NVL: variants seen among roughly 807,000 people sequenced by gnomAD.
NVL encodes the protein nuclear valosin-containing protein-like.
Under a neutral mutation model 110.2 loss-of-function variants are expected in NVL, and 84 were observed. The observed-to-expected ratio is 0.76, with a 90% CI of 0.64 to 0.91. The LOEUF (loss-of-function observed/expected upper bound fraction) is 0.91, where lower values mean the gene tolerates loss of function less well. NVL is among the 40% of genes least tolerant of loss of function. NVL has a pLI of 0.00. For synonymous variants in NVL, 354 were observed against 361.1 expected (o/e 0.98, Z 0.22); for missense variants, 882 against 1,035.9 (o/e 0.85, Z 2.04).
At chr1:224,329,030 C>A (rs1572093720) in intron 1 of NVL, among the ~76,000 whole-genome samples, 1 of 151,770 alleles carries the variant, frequency 6.6e-6, no homozygotes, top group African/African-American at 2.4e-5. Flanking sequence ...TAGTGGAACC[C>A]CGTCTCTACA....
At position 224,289,752 on chromosome 1, in the gene NVL, A is replaced by G; in HGVS notation, c.1326-19T>C. The G allele has an allele frequency of 6.3e-7, 1 of 1,589,220 alleles. No homozygotes were observed. The highest frequency in any genetic ancestry group is 8.6e-7 in the Non-Finnish European group (1 of 1,165,938). On this transcript the variant is annotated intron_variant, in intron 12 of 22. Transcript: ENST00000281701. ...AAGTATTCTGTAGAAAAGACAGGGG[A>G]AAAAATTTCTGATTCCTGATCTAAT...
chr1:224,322,928 TG>T (rs1350774327), intron 2 of NVL, among the ~76,000 whole-genome samples: 3 of 151,424 alleles, frequency 2.0e-5, no homozygotes, highest in African/African-American at 7.3e-5. Context: ...CACTCCAGCC[TG>T]GGTGACAGAG....
chr1:224,303,480 C>T (rs993517605), intron 9 of NVL, among the ~76,000 whole-genome samples: 5 of 150,744 alleles, frequency 3.3e-5, no homozygotes, highest in Non-Finnish European at 5.9e-5. Flanking sequence ...CTAACTCTTG[C>T]CATATAAACA....
At chr1:224,288,027 G>C in intron 13 of NVL, 34 bp from the exon 14 acceptor site, 1 of 1,489,702 alleles carries the variant, frequency 6.7e-7, no homozygotes, top group Non-Finnish European at 9.3e-7. Context: ...AAAAAATAAA[G>C]AAACACCACA....
chr1:224,244,320 T>C (rs1661554015), intron 19 of NVL, among the ~76,000 whole-genome samples: 1 of 151,118 alleles, frequency 6.6e-6, no homozygotes, highest in African/African-American at 2.4e-5. Context: ...TGAGCTGAGA[T>C]CGCACCATTG....
intron 2 of NVL, among the ~76,000 whole-genome samples, chr1:224,319,599 C>T (rs1670453579): frequency 6.6e-6 from 1 of 152,112 alleles, no homozygotes; most frequent in African/African-American, 2.4e-5. Context: ...ATAATCTCTT[C>T]ACCTTTGTGC....
chr1:224,250,245 T>A lies in NVL; in HGVS notation c.2256A>T (p.Ala752=). The A allele has an allele frequency of 6.2e-7, 1 of 1,610,234 alleles. No individual in the cohort carries two copies. Among genetic ancestry groups the A allele is most frequent in the South Asian group, 1.1e-5 (1 of 90,454 alleles). ...TAGTTTTTAAGATGGCAAGGCGATC[T>A]GCAGGGGGCGGTAAACCCACAAACA... ...KTLFVGLPPP[A]DRLAILKTIT... The change falls in exon 19 of 23, where the codon GCA becomes GCT. Residue 752 remains alanine, a synonymous_variant. Coordinates refer to ENST00000281701, the MANE Select transcript of NVL (RefSeq NM_002533.4).
At chr1:224,307,967 G>T (rs1425456377) in intron 6 of NVL, 24 bp downstream of exon 6, 1 of 1,508,486 alleles carries the variant, frequency 6.6e-7, no homozygotes, top group Non-Finnish European at 8.8e-7. Flanking sequence ...ATGATATGGG[G>T]CTAAAATTTC....
At chr1:224,315,018 A>C (rs1669929396) in intron 4 of NVL, among the ~76,000 whole-genome samples, 1 of 150,864 alleles carries the variant, frequency 6.6e-6, no homozygotes, top group African/African-American at 2.4e-5. Context: ...TCTCAAAAAA[A>C]CAACGTCAAA....
At chr1:224,286,358 A>G (rs373209665) in intron 14 of NVL, among the ~76,000 whole-genome samples, 33 of 151,938 alleles carry the variant, frequency 2.2e-4, no homozygotes, top group East Asian at 7.7e-4. Flanking sequence ...GGCACATGCC[A>G]CCACGTCTGG....
chr1:224,239,383 G>A (rs1273056875), intron 19 of NVL, among the ~76,000 whole-genome samples: 1 of 151,994 alleles, frequency 6.6e-6, no homozygotes, highest in African/African-American at 2.4e-5. Flanking sequence ...AGAGGGGAGG[G>A]GGGCATCAGT....
At chr1:224,316,875 C>T (rs1433240952) in intron 4 of NVL, among the ~76,000 whole-genome samples, 7 of 152,178 alleles carry the variant, frequency 4.6e-5, no homozygotes, top group African/African-American at 7.2e-5. Context: ...CAATGGCTCA[C>T]GCCTGTAATC....
intron 19 of NVL, among the ~76,000 whole-genome samples, chr1:224,244,629 G>A (rs1171099292): frequency 1.3e-5 from 2 of 149,270 alleles, no homozygotes; most frequent in South Asian, 2.1e-4. Context: ...ATGCCACCAC[G>A]CCCGGCTAAT....
At chr1:224,307,349 C>T (rs4654019) in intron 6 of NVL, among the ~76,000 whole-genome samples, 140,087 of 152,250 alleles carry the variant, frequency 0.92, 64,662 homozygotes, top group Middle Eastern at 0.98. Context: ...TCATAAAGGA[C>T]GTTAGTGGCT....
rs12084575 is a variant in NVL, at chr1:224,251,128, G to C, written c.2183-810C>G. On this transcript the variant is annotated intron_variant, in intron 18 of 22. Transcript: ENST00000281701. ...GTCTCTGCTAAAAATACAAAAATTA[G>C]CCAGGTGTGATGGCACACACCTGTA... Among the ~76,000 whole-genome samples the C allele has an allele frequency of 7.3e-3, 1,103 of 151,718 alleles. 9 individuals are homozygous for C. The highest frequency in any genetic ancestry group is 0.024 in the Middle Eastern group (7 of 292).
Position 224,237,879 on chromosome 1 carries a change from G to A in NVL, c.2290-1297C>T, listed in dbSNP as rs559424108. ...TGAGGCAGGAGAATCACTGGAACCC[G>A]GGAGGTGGAGGCTGTAGTAAGCCAT... On this transcript the variant is annotated intron_variant, in intron 19 of 22. Transcript: ENST00000281701. Among the ~76,000 whole-genome samples, 386 of 150,882 alleles carry A rather than the reference G, an allele frequency of 2.6e-3. 1 individual carries two copies. The highest frequency in any genetic ancestry group is 8.7e-3 in the African/African-American group (356 of 41,018).
intron 12 of NVL, among the ~76,000 whole-genome samples, chr1:224,290,922 T>C (rs890243731): frequency 6.6e-6 from 1 of 151,944 alleles, no homozygotes; most frequent in African/African-American, 2.4e-5. Flanking sequence ...TGAGCCAAGA[T>C]TGTGTCACTG....
At chr1:224,319,278 A>C (rs183907803) in intron 2 of NVL, among the ~76,000 whole-genome samples, 25 of 151,804 alleles carry the variant, frequency 1.6e-4, no homozygotes, top group African/African-American at 5.8e-4. Context: ...AATTATTCCC[A>C]AAAAATGGTC....
intron 14 of NVL, among the ~76,000 whole-genome samples, chr1:224,287,367 A>G (rs1376973132): frequency 6.6e-6 from 1 of 152,190 alleles, no homozygotes; most frequent in East Asian, 1.9e-4. Context: ...CACGGTAGGG[A>G]AATTATATTT....
Sources: allele counts gnomAD v4.1 joint callset (sites outside exome capture counted in the v4.1 genomes callset), GRCh38; gene constraint gnomAD v4.1.1; transcripts MANE v1.5; gene names NCBI Gene and HGNC (gene_info 2026-07-23, HGNC 2026-07-21).